The following ZNF84 variants were observed in gnomAD, a reference collection of about 807,000 sequenced individuals.
ZNF84 encodes zinc finger protein 84.
Under a neutral mutation model 14.8 loss-of-function variants are expected in ZNF84, and 12 were observed. The observed-to-expected ratio is 0.81, with a 90% confidence interval of 0.52 to 1.31. ZNF84 has a LOEUF of 1.31. ZNF84 is among the 50% of genes most tolerant of loss of function. The pLI is 0.00. For synonymous variants in ZNF84, 347 were observed against 291.1 expected (o/e 1.19, Z -1.96); for missense variants, 859 against 878.6 (o/e 0.98, Z 0.28).
rs1271614020 is a variant in ZNF84, at chr12:133,056,997, C to A, written c.282C>A (p.Asn94Lys). The change falls in exon 5 of 5, where the codon AAC (asparagine) becomes AAA (lysine). Residue 94 changes from asparagine (N) to lysine (K), a missense_variant. Physicochemically the swap from Asn to Lys is moderately conservative, Grantham distance 94 (BLOSUM62 0). Transcript: ENST00000539354. Reference sequence around the variant, plus strand: ...GTAACATGATGTGGCACCAGGATAACCAAGACAAGCTTAAAATTATAAAAA... The same window carrying A: ...GTAACATGATGTGGCACCAGGATAAACAAGACAAGCTTAAAATTATAAAAA... The part of the protein sequence containing the change: ...VDGNMMWHQD[N>K]QDKLKIIKRG... 6.2e-7 allele frequency: 1 copy of A among 1,601,800 alleles called. No homozygotes were observed. The highest frequency in any genetic ancestry group is 1.4e-5 in the African/African-American group (1 of 74,034).
rs1954172808 is a variant in ZNF84 at position 133,057,081 on chromosome 12, T to G, written c.366T>G (p.Pro122=). 4 of 1,613,614 alleles carry G rather than the reference T, an allele frequency of 2.5e-6. No individual in the cohort carries two copies. Among genetic ancestry groups the G allele is most frequent in the Non-Finnish European group, 2.5e-6 (3 of 1,179,902 alleles). ...TCAATCTGAACATGAACTTTGTTCC[T>G]TTAAGGAAATCAAACAGTGAAGGTG... ...KNFNLNMNFV[P]LRKSNSEGDL... is the part of the protein sequence containing the mutation. The change falls in exon 5 of 5, where the codon CCT becomes CCG. Residue 122 remains proline (P), a synonymous_variant. Transcript: ENST00000539354.
At position 133,063,217 on chromosome 12, in the gene ZNF84, A is replaced by G; in HGVS notation, c.*4285A>G. 1.4e-6 allele frequency: 1 copy of G among 702,296 alleles called. No individual in the cohort carries two copies. The highest frequency in any genetic ancestry group is 2.6e-6 in the Non-Finnish European group (1 of 384,814). 43.5% of individuals were successfully genotyped at this position (702,296 alleles called of 1,614,324 possible). A position where few individuals can be genotyped will look rare whatever the true frequency, so the allele number is the denominator to read the frequency against. ...TCTTCTGGTCTTCATGTTCAGGTCC[A>G]CCTCTGCCCTTTTCATGTCTTGATT... On this transcript the variant is annotated 3_prime_UTR_variant, in exon 5 of 5. Coordinates refer to ENST00000539354, the MANE Select transcript of ZNF84 (RefSeq NM_001289971.2).
chr12:133,058,829 A>G lies in ZNF84; in HGVS notation c.2114A>G (p.His705Arg), dbSNP rs1954208204. The stretch of plus-strand genomic sequence containing the variant: ...CAGCTGGTTAATCATCAGAGAATTC[A>G]TACAGGAGAGAAGCCTTATCGATGC... Reference protein sequence around the residue: ...KSQLVNHQRIHTGEKPYRCIE... With the variant: ...KSQLVNHQRIRTGEKPYRCIE... Residue 705 changes from histidine to arginine, a missense_variant, in exon 5 of 5, where the codon CAT (histidine) becomes CGT (arginine). By Grantham distance (29) the His-to-Arg change is conservative. Transcript: ENST00000539354. The G allele has an allele frequency of 6.2e-7, 1 of 1,614,128 alleles. No homozygotes were observed. Among genetic ancestry groups the G allele is most frequent in the East Asian group, 2.2e-5 (1 of 44,874 alleles).
chr12:133,060,333 A>G lies in ZNF84; in HGVS notation c.*1401A>G, dbSNP rs1954237832. Reference sequence around the variant, plus strand: ...TTTGTGCTGGAAAAACATTTTTGACATTCAAGGATGCCTATTTTATCTTCT... The same window carrying G: ...TTTGTGCTGGAAAAACATTTTTGACGTTCAAGGATGCCTATTTTATCTTCT... On this transcript the variant is annotated 3_prime_UTR_variant, in exon 5 of 5. Transcript: ENST00000539354. 6.6e-6 allele frequency: 1 copy of G among 152,194 alleles called. No homozygotes were observed. The highest frequency in any genetic ancestry group is 1.5e-5 in the Non-Finnish European group (1 of 68,026). The allele number at this position is 152,194 out of a possible 1,614,324, so 9.4% of individuals were successfully genotyped here. A position where few individuals can be genotyped will look rare whatever the true frequency, so the allele number is the denominator to read the frequency against.
intron 4 of ZNF84, among the ~76,000 whole-genome samples, chr12:133,054,818 T>C (rs1555289440): frequency 6.6e-6 from 1 of 152,148 alleles, no homozygotes; most frequent in African/African-American, 2.4e-5. Flanking sequence ...GTATTAAGCA[T>C]ACAAATGTTT....
chr12:133,058,867 A>G lies in ZNF84; in HGVS notation c.2152A>G (p.Lys718Glu). Reference protein sequence around the residue: ...EKPYRCIECGKAFSQKSQLIN... With the variant: ...EKPYRCIECGEAFSQKSQLIN... Reference sequence around the variant, plus strand: ...GCCTTATCGATGCATTGAATGTGGGAAAGCTTTCTCACAGAAGTCACAGCT... The same window carrying G: ...GCCTTATCGATGCATTGAATGTGGGGAAGCTTTCTCACAGAAGTCACAGCT... Residue 718 changes from lysine (K) to glutamate (E), a missense_variant, in exon 5 of 5, where the codon AAA becomes GAA. Lys to Glu is a moderately conservative substitution (Grantham distance 56, BLOSUM62 1). Coordinates refer to ENST00000539354, the MANE Select transcript of ZNF84 (RefSeq NM_001289971.2). The G allele has an allele frequency of 1.2e-6, 2 of 1,613,564 alleles. No homozygotes were observed. The highest frequency in any genetic ancestry group is 1.7e-6 in the Non-Finnish European group (2 of 1,179,782).
chr12:133,040,814 T>TAGAAG (rs1953873814), intron 1 of ZNF84: 6 of 152,128 alleles, frequency 3.9e-5, no homozygotes, highest in African/African-American at 1.4e-4. Context: ...CATTTCCTTC[T>TAGAAG]GAAATGGGTA....
rs1209139179 is a variant in ZNF84 at position 133,059,020 on chromosome 12, T to TA, written c.*89dup. The TA allele has an allele frequency of 8.7e-6, 11 of 1,266,646 alleles. No homozygotes were observed. The highest frequency in any genetic ancestry group is 2.3e-5 in the Admixed American group (1 of 44,200). The allele number at this position is 1,266,646 out of a possible 1,614,324, so 78.5% of individuals were successfully genotyped here. ...ACGTTTGTAGACAGTCACGTCATGTTAGGTGTTTGTACTCCATGAGGATGA... is the reference window on the plus strand; with the variant it reads ...ACGTTTGTAGACAGTCACGTCATGTTAAGGTGTTTGTACTCCATGAGGATGA... On this transcript the variant is annotated 3_prime_UTR_variant, in exon 5 of 5. Coordinates refer to ENST00000539354, the MANE Select transcript of ZNF84 (RefSeq NM_001289971.2).
Position 133,058,128 on chromosome 12 carries a change from A to G in ZNF84, c.1413A>G (p.Lys471=). 6.2e-7 allele frequency: 1 copy of G among 1,613,902 alleles called. No individual in the cohort carries two copies. The highest frequency in any genetic ancestry group is 2.2e-5 in the East Asian group (1 of 44,874). The change falls in exon 5 of 5, where the codon AAA becomes AAG. Residue 471 remains lysine (K), a synonymous_variant. Transcript: ENST00000539354. ...CSKCGKAFSR[K]SQLVRHQRTH... ...AATGTGGGAAAGCCTTCAGCAGGAA[A>G]TCACAGCTCGTTAGACATCAGAGAA...
At chr12:133,041,220 GAGAA>G in intron 1 of ZNF84, 54 bp from the exon 2 acceptor site, 1 of 488,102 alleles carries the variant, frequency 2.0e-6, no homozygotes, top group Non-Finnish European at 3.6e-6. Context: ...CCTAGCAAGA[GAGAA>G]AGAGATTTCA....
Position 133,062,153 on chromosome 12 carries a change from G to C in ZNF84, c.*3221G>C, listed in dbSNP as rs1247084621. On this transcript the variant is annotated 3_prime_UTR_variant, in exon 5 of 5. Transcript: ENST00000539354. The stretch of plus-strand genomic sequence containing the variant: ...GATTTTCCCACTGACCTGGAATTGT[G>C]CACAGTTCTACAAAGGACAATTGAC... The C allele has an allele frequency of 6.6e-6, 1 of 152,192 alleles. No homozygotes were observed. Among genetic ancestry groups the C allele is most frequent in the Admixed American group, 6.5e-5 (1 of 15,276 alleles). 9.4% of individuals were successfully genotyped at this position (152,192 alleles called of 1,614,324 possible). A position where few individuals can be genotyped will look rare whatever the true frequency, so the allele number is the denominator to read the frequency against.
intron 4 of ZNF84, 90 bp from the exon 5 acceptor site, chr12:133,056,864 A>G (rs1954168403): frequency 4.3e-6 from 5 of 1,150,936 alleles, no homozygotes; most frequent in Admixed American, 2.7e-5. Flanking sequence ...AAAAGCAGCC[A>G]ACCCCTCAAC....
rs1954276939 is a variant in ZNF84, at chr12:133,062,205, GT to G, written c.*3277del. ...TTGTTTTCCTTTTACTAAGTAGTGG[GT>G]TTTCCTTAAGGTCCAGACTGAATTT... On this transcript the variant is annotated 3_prime_UTR_variant, in exon 5 of 5. Coordinates refer to ENST00000539354, the MANE Select transcript of ZNF84 (RefSeq NM_001289971.2). The G allele has an allele frequency of 6.6e-6, 1 of 152,176 alleles. No individual in the cohort carries two copies. Among genetic ancestry groups the G allele is most frequent in the Non-Finnish European group, 1.5e-5 (1 of 68,030 alleles). 9.4% of individuals were successfully genotyped at this position (152,176 alleles called of 1,614,324 possible). A position where few individuals can be genotyped will look rare whatever the true frequency, so the allele number is the denominator to read the frequency against.
intron 4 of ZNF84, among the ~76,000 whole-genome samples, chr12:133,056,157 C>T (rs1954153866): frequency 6.6e-6 from 1 of 152,178 alleles, no homozygotes; most frequent in South Asian, 2.1e-4. Context: ...TCATTTTCTT[C>T]TTAGTATTTA....
chr12:133,043,780 G>T (rs1370825769), intron 2 of ZNF84, among the ~76,000 whole-genome samples: 2 of 152,076 alleles, frequency 1.3e-5, no homozygotes, highest in African/African-American at 2.4e-5. Context: ...TTGAGGCAGA[G>T]TCTCACTCTG....
chr12:133,048,131 T>C, intron 3 of ZNF84, 50 bp downstream of exon 3: 1 of 1,527,504 alleles, frequency 6.5e-7, no homozygotes, highest in Non-Finnish European at 8.8e-7. Context: ...TGCATTGCCT[T>C]TTATTTTTAG....
chr12:133,062,321 G>A lies in ZNF84; in HGVS notation c.*3389G>A, dbSNP rs1954278411. On this transcript the variant is annotated 3_prime_UTR_variant, in exon 5 of 5. Transcript: ENST00000539354. ...TGGGTCCATATATTTGTGATACTTT[G>A]GTTTCGGGAACATCACTTTTAGAAT... is the stretch of plus-strand genomic sequence containing the variant. The A allele has an allele frequency of 1.3e-5, 2 of 152,114 alleles. 1 individual carries two copies. Among genetic ancestry groups the A allele is most frequent in the South Asian group, 4.1e-4 (2 of 4,830 alleles). The allele number at this position is 152,114 out of a possible 1,614,324, so 9.4% of individuals were successfully genotyped here. A position where few individuals can be genotyped will look rare whatever the true frequency, so the allele number is the denominator to read the frequency against.
chr12:133,046,899 TAATA>T (rs1241096038), intron 2 of ZNF84, among the ~76,000 whole-genome samples: 1 of 144,666 alleles, frequency 6.9e-6, no homozygotes, highest in Non-Finnish European at 1.5e-5. Context: ...ATTTTTAATA[TAATA>T]TTTATATTAT....
intron 2 of ZNF84, among the ~76,000 whole-genome samples, chr12:133,046,390 G>T (rs147632271): frequency 2.4e-5 from 3 of 123,192 alleles, no homozygotes; most frequent in African/African-American, 6.2e-5. Context: ...TTTTAAATCA[G>T]AGCTGCTGCC....
Sources: allele counts gnomAD v4.1 joint callset (sites outside exome capture counted in the v4.1 genomes callset), GRCh38; gene constraint gnomAD v4.1.1; transcripts MANE v1.5; gene names NCBI Gene and HGNC (gene_info 2026-07-23, HGNC 2026-07-21).